Variants in MCTP1 observed in about 807,000 individuals in gnomAD.
MCTP1 encodes the protein multiple C2 and transmembrane domain-containing protein 1.
Under a neutral mutation model 120.6 loss-of-function variants are expected in MCTP1, and 69 were observed. The ratio of observed to expected loss-of-function variants is 0.57; its 90% CI spans 0.47 to 0.70. The LOEUF (loss-of-function observed/expected upper bound fraction) is 0.70, where lower values mean the gene tolerates loss of function less well. Among genes scored for constraint, MCTP1 ranks in the 30% least tolerant of loss-of-function variants. The pLI is 0.00. For synonymous variants in MCTP1, 529 were observed against 493.1 expected (o/e 1.07, Z -0.96); for missense variants, 1,203 against 1,248.8 (o/e 0.96, Z 0.55).
intron 19 of MCTP1, among the ~76,000 whole-genome samples, chr5:94,750,097 T>A (rs1437269992): frequency 6.6e-6 from 1 of 152,214 alleles, no homozygotes; most frequent in Admixed American, 6.5e-5. Context: ...GAAAATAGCA[T>A]ATTCCAGTCC....
At chr5:95,258,861 A>G (rs574267243) in intron 1 of MCTP1, among the ~76,000 whole-genome samples, 1 of 152,344 alleles carries the variant, frequency 6.6e-6, no homozygotes, top group African/African-American at 2.4e-5. Context: ...GGGGATTCAG[A>G]TCCACTGGTA....
At chr5:95,069,505 C>A in intron 1 of MCTP1, among the ~76,000 whole-genome samples, 1 of 150,302 alleles carries the variant, frequency 6.7e-6, no homozygotes, top group East Asian at 2.0e-4. Context: ...TTTGATGACA[C>A]AGGCCAGGTG....
chr5:94,917,706 A>C (rs763710376), intron 8 of MCTP1, among the ~76,000 whole-genome samples, 190 bp downstream of exon 8: 8 of 152,242 alleles, frequency 5.3e-5, no homozygotes, highest in Non-Finnish European at 1.0e-4. Flanking sequence ...TTTTAGAACA[A>C]ATGAGCTGGC....
chr5:94,919,894 G>A (rs293047), intron 7 of MCTP1, among the ~76,000 whole-genome samples: 2 of 152,044 alleles, frequency 1.3e-5, no homozygotes, highest in African/African-American at 4.8e-5. Context: ...TTTGTCCAGC[G>A]CAGTCTGAAG....
chr5:94,919,683 G>A (rs1168547546), intron 7 of MCTP1, among the ~76,000 whole-genome samples: 1 of 152,136 alleles, frequency 6.6e-6, no homozygotes, highest in Admixed American at 6.5e-5. Flanking sequence ...TGACAGCCTA[G>A]AATGACTGTT....
At chr5:94,759,158 G>A (rs1770683225) in intron 19 of MCTP1, among the ~76,000 whole-genome samples, 1 of 152,074 alleles carries the variant, frequency 6.6e-6, no homozygotes, top group African/African-American at 2.4e-5. Context: ...AATTTTGATG[G>A]AATTATCACC....
Position 94,860,576 on chromosome 5 carries a change from C to T in MCTP1, c.2436+7757G>A, listed in dbSNP as rs565861104. On this transcript the variant is annotated intron_variant, in intron 17 of 22. Coordinates refer to ENST00000515393, the MANE Select transcript of MCTP1 (RefSeq NM_024717.7). ...AAATGCTCTTTCTCCAGACAAGTTC[C>T]GTATGGGAATAATTCATATCATATG... Among the ~76,000 whole-genome samples the T allele has an allele frequency of 5.3e-5, 8 of 151,714 alleles. No individual in the cohort carries two copies. The South Asian group carries it at 1.0e-3, about 20-fold the overall frequency.
At chr5:95,154,437 T>C (rs1048658843) in intron 1 of MCTP1, among the ~76,000 whole-genome samples, 24 of 152,206 alleles carry the variant, frequency 1.6e-4, no homozygotes, top group Non-Finnish European at 7.3e-5. Flanking sequence ...ATTTGTGAAA[T>C]AGAGGAATAG....
intron 1 of MCTP1, among the ~76,000 whole-genome samples, chr5:95,027,222 G>A (rs1839419736): frequency 6.6e-6 from 1 of 152,184 alleles, no homozygotes; most frequent in African/African-American, 2.4e-5. Flanking sequence ...CACTACGTAT[G>A]TCAGCCGTGG....
At chr5:95,239,872 T>C (rs1358030269) in intron 1 of MCTP1, among the ~76,000 whole-genome samples, 1 of 152,136 alleles carries the variant, frequency 6.6e-6, no homozygotes, top group Non-Finnish European at 1.5e-5. Context: ...CTTCTTCACA[T>C]TTTTAATTTT....
chr5:95,028,632 C>A (rs1384246594), intron 1 of MCTP1, among the ~76,000 whole-genome samples: 1 of 152,136 alleles, frequency 6.6e-6, no homozygotes. Flanking sequence ...ATAAAATAAC[C>A]TGAGCCAAAG....
intron 2 of MCTP1, among the ~76,000 whole-genome samples, chr5:94,973,055 TA>T (rs939139069): frequency 6.6e-6 from 1 of 152,192 alleles, no homozygotes; most frequent in African/African-American, 2.4e-5. Flanking sequence ...TGAGTTGGGT[TA>T]AACTAGCACA....
chr5:94,892,389 A>C (rs1802881122), intron 11 of MCTP1, among the ~76,000 whole-genome samples: 1 of 152,194 alleles, frequency 6.6e-6, no homozygotes, highest in African/African-American at 2.4e-5. Context: ...TCTGGTTTTT[A>C]AACTGTGACA....
intron 6 of MCTP1, chr5:94,929,569 C>T: frequency 1.4e-6 from 1 of 726,286 alleles, no homozygotes. Flanking sequence ...GAAAATGATG[C>T]ATTTTCATAA....
intron 1 of MCTP1, among the ~76,000 whole-genome samples, chr5:95,147,623 G>A (rs1222847275): frequency 1.3e-5 from 2 of 152,216 alleles, no homozygotes; most frequent in Non-Finnish European, 2.9e-5. Flanking sequence ...CTCAAAGGCA[G>A]CAGACAGTTG....
At chr5:94,927,531 T>C (rs1044689063) in intron 6 of MCTP1, among the ~76,000 whole-genome samples, 1 of 152,194 alleles carries the variant, frequency 6.6e-6, no homozygotes, top group African/African-American at 2.4e-5. Flanking sequence ...AGAAAGTCTA[T>C]GACCAAGAGT....
chr5:94,871,265 T>G (rs780122411), intron 14 of MCTP1, 50 bp downstream of exon 14: 1 of 1,111,638 alleles, frequency 9.0e-7, no homozygotes, highest in Non-Finnish European at 1.4e-6. Flanking sequence ...TTTTTTTTTT[T>G]CCGTGAGCAA....
intron 1 of MCTP1, among the ~76,000 whole-genome samples, chr5:95,152,621 T>C (rs1451991011): frequency 6.6e-6 from 1 of 152,210 alleles, no homozygotes; most frequent in Non-Finnish European, 1.5e-5. Flanking sequence ...TTTGATTCCT[T>C]TGTTTTGTTC....
At chr5:95,155,163 G>T (rs1399115475) in intron 1 of MCTP1, among the ~76,000 whole-genome samples, 1 of 152,096 alleles carries the variant, frequency 6.6e-6, no homozygotes. Flanking sequence ...AGATCATGCA[G>T]TATATGTAGA....
Sources: gnomAD v4.1 joint callset for allele counts (sites outside exome capture counted in the v4.1 genomes callset) on GRCh38, gnomAD v4.1.1 for gene constraint, MANE v1.5 for transcripts, NCBI Gene and HGNC (gene_info 2026-07-23, HGNC 2026-07-21) for gene names.